The following AKT3 variants were observed in gnomAD, a reference collection of about 807,000 sequenced individuals.
AKT3 encodes AKT serine/threonine kinase 3.
A neutral mutation model predicts 65.3 loss-of-function variants in AKT3; 15 were observed. The ratio of observed to expected loss-of-function variants is 0.23; its 90% CI spans 0.15 to 0.35. The LOEUF is 0.35. AKT3 is among the 10% of genes least tolerant of loss of function. AKT3 has a pLI of 1.00. For synonymous variants in AKT3, 206 were observed against 183.8 expected (o/e 1.12, Z -0.98); for missense variants, 243 against 576.5 (o/e 0.42, Z 5.92).
chr1:243,669,034 T>TTTAAAA (rs1682993780), intron 3 of AKT3, among the ~76,000 whole-genome samples: 1 of 141,310 alleles, frequency 7.1e-6, no homozygotes, highest in African/African-American at 2.5e-5. Flanking sequence ...AGACTTAAGT[T>TTTAAAA]TTAAAATACC....
At chr1:243,544,713 T>G (rs1341928094) in intron 12 of AKT3, among the ~76,000 whole-genome samples, 1 of 148,672 alleles carries the variant, frequency 6.7e-6, no homozygotes, top group African/African-American at 2.5e-5. Flanking sequence ...TTGTTTTTTT[T>G]TTTTTTAAGA....
intron 6 of AKT3, chr1:243,624,817 C>A: frequency 4.8e-6 from 1 of 207,560 alleles, no homozygotes; most frequent in Non-Finnish European, 1.1e-5. Context: ...AACAAACTTG[C>A]AGTTTCTGTC....
chr1:243,779,751 G>C (rs966787812), intron 2 of AKT3, among the ~76,000 whole-genome samples: 2 of 152,072 alleles, frequency 1.3e-5, no homozygotes, highest in African/African-American at 4.8e-5. Flanking sequence ...GCTCCCTAGA[G>C]AGCTGCTTCT....
At chr1:243,691,886 G>C (rs952251576) in intron 3 of AKT3, among the ~76,000 whole-genome samples, 1 of 152,140 alleles carries the variant, frequency 6.6e-6, no homozygotes, top group African/African-American at 2.4e-5. Context: ...CCGCCCAAGA[G>C]AAAGTACAAA....
intron 2 of AKT3, among the ~76,000 whole-genome samples, chr1:243,725,040 C>CAA (rs76839576): frequency 7.9e-6 from 1 of 126,924 alleles, no homozygotes; most frequent in Admixed American, 7.9e-5. Context: ...TTGTCTAGAC[C>CAA]AAAAAAAAAA....
At chr1:243,617,686 TAGAG>T (rs1226808033) in intron 6 of AKT3, among the ~76,000 whole-genome samples, 3 of 151,988 alleles carry the variant, frequency 2.0e-5, no homozygotes, top group African/African-American at 7.2e-5. Flanking sequence ...GTGTGGGACA[TAGAG>T]AAAGTGATGG....
intron 2 of AKT3, among the ~76,000 whole-genome samples, chr1:243,737,800 C>A (rs1253534872): frequency 1.3e-5 from 2 of 151,950 alleles, no homozygotes; most frequent in Non-Finnish European, 2.9e-5. Flanking sequence ...AAATCAGGAG[C>A]AAAAAGGATT....
chr1:243,669,782 T>G (rs1683044402), intron 3 of AKT3, among the ~76,000 whole-genome samples: 1 of 152,144 alleles, frequency 6.6e-6, no homozygotes, highest in Non-Finnish European at 1.5e-5. Flanking sequence ...TAATTACCAT[T>G]CTCAAGCAGA....
chr1:243,850,066 GC>G lies in AKT3; in HGVS notation c.-140del. ...TGCAACGGCGGCGGCGGCGGTGGCG[GC>G]CCCGCAGCTGCTCGGGCGGCGGCGG... is the stretch of plus-strand genomic sequence containing the variant. On this transcript the variant is annotated 5_prime_UTR_variant, in exon 1 of 14. Transcript: ENST00000673466. 1 of 965,816 alleles carries G rather than the reference GC, an allele frequency of 1.0e-6. No individual in the cohort carries two copies. The highest frequency in any genetic ancestry group is 1.2e-6 in the Non-Finnish European group (1 of 814,264). The allele number at this position is 965,816 out of a possible 1,614,324, so 59.8% of individuals were successfully genotyped here. A position where few individuals can be genotyped will look rare whatever the true frequency, so the allele number is the denominator to read the frequency against.
At chr1:243,672,324 A>T (rs142827769) in intron 3 of AKT3, among the ~76,000 whole-genome samples, 4 of 152,326 alleles carry the variant, frequency 2.6e-5, no homozygotes, top group African/African-American at 9.6e-5. Context: ...TCCAATACCA[A>T]TGAAGTTAAT....
intron 2 of AKT3, among the ~76,000 whole-genome samples, chr1:243,730,861 G>T (rs1687514843): frequency 6.6e-6 from 1 of 152,246 alleles, no homozygotes; most frequent in South Asian, 2.1e-4. Context: ...TGCTCCAGCT[G>T]CAGCCTGGCA....
At chr1:243,489,156 C>A in intron 13 of AKT3, 1 of 1,610,828 alleles carries the variant, frequency 6.2e-7, no homozygotes, top group South Asian at 1.1e-5. Flanking sequence ...GTGCAGAACG[C>A]GGCGCAGGTG....
intron 6 of AKT3, among the ~76,000 whole-genome samples, chr1:243,622,949 C>T (rs977696403): frequency 6.6e-6 from 1 of 152,170 alleles, no homozygotes; most frequent in Non-Finnish European, 1.5e-5. Context: ...AATGGACTTA[C>T]GTGCAGAAAA....
intron 3 of AKT3, among the ~76,000 whole-genome samples, chr1:243,685,579 T>C (rs1684230260): frequency 6.6e-6 from 1 of 152,174 alleles, no homozygotes. Context: ...TTTGTTACTG[T>C]AGCCTTGTAG....
chr1:243,515,512 C>T lies in AKT3; in HGVS notation c.1252-3086G>A, dbSNP rs527848414. Among the ~76,000 whole-genome samples the T allele has an allele frequency of 4.9e-4, 74 of 152,012 alleles. No homozygotes were observed. In the Middle Eastern group the frequency reaches 0.01, roughly 21 times the overall value. On this transcript the variant is annotated intron_variant, in intron 12 of 13. Transcript: ENST00000673466. ...CATCATTTGATATAATCATTTCCTT[C>T]GTACTCTGTTAATAGGTGAACTATA...
At chr1:243,846,405 C>T (rs1016125248) in intron 1 of AKT3, among the ~76,000 whole-genome samples, 1 of 152,052 alleles carries the variant, frequency 6.6e-6, no homozygotes, top group Admixed American at 6.5e-5. Context: ...CTAGTGTTTT[C>T]TTCTAGTAAA....
intron 8 of AKT3, among the ~76,000 whole-genome samples, chr1:243,588,423 C>T (rs775339143): frequency 1.3e-5 from 2 of 152,264 alleles, no homozygotes; most frequent in African/African-American, 4.8e-5. Context: ...TGAACTTACA[C>T]GAACAAAGCT....
At chr1:243,717,139 G>A (rs1253118481) in intron 2 of AKT3, among the ~76,000 whole-genome samples, 1 of 152,112 alleles carries the variant, frequency 6.6e-6, no homozygotes, top group Non-Finnish European at 1.5e-5. Context: ...CATAAACTCA[G>A]CTTGCTGCTA....
In AKT3 at chr1:243,658,864, C is replaced by CA. The variant is rs58117921; in HGVS notation, c.284+5907dup. On this transcript the variant is annotated intron_variant, in intron 4 of 13. Transcript: ENST00000673466. ...GCAACACAGAGAAACCTTGTCTCTA[C>CA]AAAAAAAAAAAAAAAAAAAAATTAA... is the stretch of plus-strand genomic sequence containing the variant. Among the ~76,000 whole-genome samples, 647 of 82,874 alleles carry CA rather than the reference C, an allele frequency of 7.8e-3. 8 individuals carry two copies. Among genetic ancestry groups the CA allele is most frequent in the African/African-American group, 0.023 (500 of 21,400 alleles). 54.4% of individuals were successfully genotyped at this position (82,874 alleles called of 152,430 possible).
Sources: allele counts gnomAD v4.1 joint callset (sites outside exome capture counted in the v4.1 genomes callset), GRCh38; gene constraint gnomAD v4.1.1; transcripts MANE v1.5; gene names NCBI Gene and HGNC (gene_info 2026-07-23, HGNC 2026-07-21).